Variants in SLC9A8 observed in about 807,000 individuals in gnomAD.
SLC9A8 encodes the protein solute carrier family 9 member A8.
Under a neutral mutation model 66.6 loss-of-function variants are expected in SLC9A8, and 48 were observed. That is an observed-to-expected ratio of 0.72 (90% CI 0.57 to 0.92). The LOEUF is 0.92. Ranked by LOEUF, SLC9A8 falls within the 40% of genes least tolerant of loss-of-function variation. The pLI is 0.00. For synonymous variants in SLC9A8, 274 were observed against 282.6 expected (o/e 0.97, Z 0.31); for missense variants, 599 against 747.3 (o/e 0.80, Z 2.31).
chr20:49,863,071 T>C lies in SLC9A8; in HGVS notation c.852+4T>C, dbSNP rs1219247366. 2 of 1,610,660 alleles carry C rather than the reference T, an allele frequency of 1.2e-6. No individual in the cohort carries two copies. Among genetic ancestry groups the C allele is most frequent in the Non-Finnish European group, 1.7e-6 (2 of 1,178,048 alleles). On this transcript the variant is annotated splice_donor_region_variant and intron_variant, in intron 9 of 15. Transcript: ENST00000361573. ...CACTGGCTTAATTTCTGCATTAATA[T>C]CCTTTTAATGTGATGAACATGCAGG...
At chr20:49,830,317 G>C in intron 3 of SLC9A8, 1 of 1,085,700 alleles carries the variant, frequency 9.2e-7, no homozygotes, top group African/African-American at 1.5e-5. Flanking sequence ...GTCTGGAACC[G>C]CACTGCCAAG....
At chr20:49,857,825 T>C (rs925820867) in intron 8 of SLC9A8, among the ~76,000 whole-genome samples, 1 of 151,204 alleles carries the variant, frequency 6.6e-6, no homozygotes, top group Admixed American at 6.6e-5. Flanking sequence ...TTTCACCACA[T>C]TTGCCCAGTT....
In SLC9A8 at chr20:49,815,154, G is replaced by A. The variant is rs2086503601; in HGVS notation, c.173G>A (p.Ser58Asn). ...CAGGCCCAGCAAGAGGAGCAGTCCAGCGGCATGACCATTTTCTTCAGCCTC... is the reference window on the plus strand; with the variant it reads ...CAGGCCCAGCAAGAGGAGCAGTCCAACGGCATGACCATTTTCTTCAGCCTC... Reference protein sequence around the residue: ...GEQAQQEEQSSGMTIFFSLLV... With the variant: ...GEQAQQEEQSNGMTIFFSLLV... The change falls in exon 2 of 16, where the codon AGC becomes AAC. Residue 58 changes from serine (S) to asparagine (N), a missense_variant. By Grantham distance (46) the Ser-to-Asn change is conservative. This residue lies in a region of SLC9A8 where 132 missense variants were observed against 120.9 expected (regional missense o/e 1.09). Transcript: ENST00000361573. 1 of 1,587,966 alleles carries A rather than the reference G, an allele frequency of 6.3e-7. No homozygotes were observed. The highest frequency in any genetic ancestry group is 8.6e-7 in the Non-Finnish European group (1 of 1,166,712).
intron 2 of SLC9A8, among the ~76,000 whole-genome samples, chr20:49,816,620 C>T (rs1489261466): frequency 6.6e-6 from 1 of 151,934 alleles, no homozygotes; most frequent in Non-Finnish European, 1.5e-5. Context: ...AGTGTGCCTC[C>T]ATCTCAAAAA....
At chr20:49,823,820 C>T (rs918399018) in intron 3 of SLC9A8, among the ~76,000 whole-genome samples, 4 of 152,122 alleles carry the variant, frequency 2.6e-5, no homozygotes, top group African/African-American at 9.7e-5. Context: ...TAAAGTCTTA[C>T]TAAGGTCAGC....
chr20:49,841,822 T>TG (rs1160129086), intron 4 of SLC9A8, among the ~76,000 whole-genome samples: 1 of 151,926 alleles, frequency 6.6e-6, no homozygotes, highest in Non-Finnish European at 1.5e-5. Flanking sequence ...CTCGAACTCC[T>TG]GACCTCAAGT....
At chr20:49,864,459 G>A (rs894256734) in intron 9 of SLC9A8, among the ~76,000 whole-genome samples, 3 of 152,164 alleles carry the variant, frequency 2.0e-5, no homozygotes, top group South Asian at 2.1e-4. Context: ...CTAAGTCAGC[G>A]TTTTTAAATG....
chr20:49,853,916 G>C (rs1385759690), intron 7 of SLC9A8, among the ~76,000 whole-genome samples: 1 of 152,194 alleles, frequency 6.6e-6, no homozygotes, highest in Non-Finnish European at 1.5e-5. Context: ...GAAGAGAACT[G>C]TACCTGGCAA....
chr20:49,887,258 T>C (rs888231611), intron 15 of SLC9A8, among the ~76,000 whole-genome samples: 3 of 152,116 alleles, frequency 2.0e-5, no homozygotes, highest in African/African-American at 4.8e-5. Flanking sequence ...TCTGGTTCTG[T>C]CCCTCGGGGC....
At chr20:49,822,341 A>G (rs142753889) in intron 2 of SLC9A8, among the ~76,000 whole-genome samples, 52 of 152,360 alleles carry the variant, frequency 3.4e-4, no homozygotes, top group African/African-American at 1.2e-3. Context: ...AGTTACATTT[A>G]TGTAAAAGTG....
chr20:49,831,108 GCCCTCTAAT>G, intron 3 of SLC9A8: 1 of 607,968 alleles, frequency 1.6e-6, no homozygotes, highest in South Asian at 1.6e-5. Context: ...CCCACCCCCA[GCCCTCTAAT>G]CTCTCCGCTA....
At chr20:49,853,117 G>A (rs1193204893) in intron 7 of SLC9A8, among the ~76,000 whole-genome samples, 1 of 152,176 alleles carries the variant, frequency 6.6e-6, no homozygotes, top group African/African-American at 2.4e-5. Flanking sequence ...TATAAAAGGT[G>A]TATCCTGCAG....
intron 5 of SLC9A8, among the ~76,000 whole-genome samples, chr20:49,848,396 AT>A (rs2088100296): frequency 6.6e-6 from 1 of 152,230 alleles, no homozygotes; most frequent in South Asian, 2.1e-4. Flanking sequence ...CCAAGTCAAA[AT>A]TGCAGCTTCT....
chr20:49,814,678 G>A (rs988876642), intron 1 of SLC9A8, among the ~76,000 whole-genome samples: 1 of 152,136 alleles, frequency 6.6e-6, no homozygotes, highest in Non-Finnish European at 1.5e-5. Context: ...AACAGTGTTG[G>A]ACCTTGGAAA....
intron 3 of SLC9A8, chr20:49,830,570 C>T (rs184289129): frequency 3.3e-6 from 2 of 612,948 alleles, no homozygotes; most frequent in Admixed American, 5.8e-5. Context: ...CGGGGGGTCG[C>T]TTTCCAGAAG....
intron 5 of SLC9A8, among the ~76,000 whole-genome samples, chr20:49,849,005 G>T (rs558427747): frequency 6.6e-6 from 1 of 152,154 alleles, no homozygotes; most frequent in Non-Finnish European, 1.5e-5. Flanking sequence ...CTTGTCAACC[G>T]CTACAAGAGA....
chr20:49,866,200 T>C (rs1438524176), intron 10 of SLC9A8, among the ~76,000 whole-genome samples: 2 of 152,202 alleles, frequency 1.3e-5, no homozygotes, highest in South Asian at 2.1e-4. Context: ...TACGTAGTCT[T>C]TTGTGTCTCC....
At chr20:49,835,012 T>A (rs1250773030) in intron 3 of SLC9A8, among the ~76,000 whole-genome samples, 1 of 152,164 alleles carries the variant, frequency 6.6e-6, no homozygotes, top group Non-Finnish European at 1.5e-5. Context: ...TTGGCAGAAA[T>A]GTTAACATCT....
intron 3 of SLC9A8, among the ~76,000 whole-genome samples, chr20:49,837,947 C>A (rs1159673469): frequency 6.6e-6 from 1 of 152,162 alleles, no homozygotes; most frequent in Non-Finnish European, 1.5e-5. Context: ...TAATCCCTGA[C>A]TAGATCTCTA....
Sources: allele counts gnomAD v4.1 joint callset (sites outside exome capture counted in the v4.1 genomes callset), GRCh38; gene constraint gnomAD v4.1.1; regional missense constraint gnomAD v4.1.1; transcripts MANE v1.5; gene names NCBI Gene and HGNC (gene_info 2026-07-23, HGNC 2026-07-21).